Variants in DMXL2 observed in about 807,000 individuals in gnomAD.
DMXL2 encodes the protein Dmx like 2, also known as dmX-like protein 2.
In DMXL2, 103 loss-of-function variants were observed where a neutral mutation model predicts 331.1. The observed-to-expected ratio is 0.31, with a 90% CI of 0.27 to 0.37. The LOEUF is 0.37. Among genes scored for constraint, DMXL2 ranks in the 10% least tolerant of loss-of-function variants. The pLI, the probability that DMXL2 is intolerant of heterozygous loss-of-function variation, is 1.00. For missense variants in DMXL2, 3,171 were observed against 3,642.9 expected (o/e 0.87, Z 3.33); for synonymous variants, 1,281 against 1,252.1 (o/e 1.02, Z -0.49).
intron 4 of DMXL2, 141 bp from the exon 5 acceptor site, chr15:51,564,401 A>T: frequency 1.8e-6 from 1 of 556,870 alleles, no homozygotes; most frequent in Non-Finnish European, 2.8e-6. Context: ...CTTGGTATAT[A>T]TTTTTTTAAA....
At chr15:51,464,613 C>A in intron 32 of DMXL2, 62 bp downstream of exon 32, 1 of 1,459,444 alleles carries the variant, frequency 6.9e-7, no homozygotes, top group East Asian at 2.3e-5. Flanking sequence ...GCATATTTAG[C>A]CAAACTGTCT....
In DMXL2 at chr15:51,606,334, A is replaced by C. The variant is rs576195946; in HGVS notation, c.87+16125T>G. Among the ~76,000 whole-genome samples the C allele has an allele frequency of 2.6e-5, 4 of 152,122 alleles. No individual in the cohort carries two copies. The East Asian group carries it at 7.7e-4, about 29-fold the overall frequency. On this transcript the variant is annotated intron_variant, in intron 1 of 43. Transcript: ENST00000560891. Reference sequence around the variant, plus strand: ...GCAATTCTTCTGCCTCAGCCTCCCGAGTAGCTGGGACGACGCTATGCCCAG... The same window carrying C: ...GCAATTCTTCTGCCTCAGCCTCCCGCGTAGCTGGGACGACGCTATGCCCAG...
At chr15:51,594,797 G>A (rs1275636445) in intron 1 of DMXL2, among the ~76,000 whole-genome samples, 2 of 152,150 alleles carry the variant, frequency 1.3e-5, no homozygotes, top group Non-Finnish European at 2.9e-5. Flanking sequence ...CATATAAACA[G>A]AACCAAAGAC....
rs967926947 is a variant in DMXL2 at position 51,499,681 on chromosome 15, G to A, written c.3543C>T (p.His1181=). The change falls in exon 18 of 44, where the codon CAC becomes CAT. Residue 1181 remains histidine (H), a synonymous_variant. Transcript: ENST00000560891. ...LDWVSKEDGS[H]ILTVGVGANI... The stretch of plus-strand genomic sequence containing the variant: ...TCGCACCGACTCCCACTGTAAGAAT[G>A]TGGGAGCCATCTTCTTTTGATACCC... 3.7e-6 allele frequency: 6 copies of A among 1,614,040 alleles called. No homozygotes were observed. The highest frequency in any genetic ancestry group is 5.1e-6 in the Non-Finnish European group (6 of 1,180,006).
At chr15:51,602,476 A>G (rs910796640) in intron 1 of DMXL2, among the ~76,000 whole-genome samples, 1 of 152,178 alleles carries the variant, frequency 6.6e-6, no homozygotes, top group Admixed American at 6.5e-5. Context: ...GAATATAGAC[A>G]GGTACAGTCA....
intron 37 of DMXL2, 29 bp downstream of exon 37, chr15:51,457,299 G>A: frequency 6.2e-7 from 1 of 1,601,494 alleles, no homozygotes; most frequent in Admixed American, 1.7e-5. Flanking sequence ...TCCAAATCCA[G>A]AAATGATACC....
chr15:51,458,463 C>T, intron 36 of DMXL2, 43 bp downstream of exon 36: 2 of 1,596,772 alleles, frequency 1.3e-6, no homozygotes, highest in Non-Finnish European at 1.7e-6. Context: ...TTGGTGGGTA[C>T]TTCTTACAGA....
chr15:51,578,364 C>T (rs762277173), intron 1 of DMXL2, among the ~76,000 whole-genome samples: 27 of 152,146 alleles, frequency 1.8e-4, no homozygotes, highest in Non-Finnish European at 3.1e-4. Context: ...GCAACTAGTG[C>T]TACTTAAGAT....
intron 38 of DMXL2, 25 bp downstream of exon 38, chr15:51,456,283 AC>A: frequency 6.3e-7 from 1 of 1,596,392 alleles, no homozygotes; most frequent in South Asian, 1.1e-5. Context: ...GAGGACACTT[AC>A]AATTATTAGG....
intron 7 of DMXL2, 21 bp from the exon 8 acceptor site, chr15:51,545,787 A>G: frequency 6.3e-7 from 1 of 1,594,880 alleles, no homozygotes; most frequent in Non-Finnish European, 8.6e-7. Flanking sequence ...AGAGAAATAA[A>G]TAAAGGTTAA....
At chr15:51,486,520 C>G (rs141798368) in intron 22 of DMXL2, among the ~76,000 whole-genome samples, 183 bp from the exon 23 acceptor site, 1 of 152,058 alleles carries the variant, frequency 6.6e-6, no homozygotes, top group African/African-American at 2.4e-5. Flanking sequence ...CAGGTTGGAA[C>G]CCAGTAGCTT....
At chr15:51,596,221 C>G (rs1481126811) in intron 1 of DMXL2, among the ~76,000 whole-genome samples, 2 of 152,066 alleles carry the variant, frequency 1.3e-5, no homozygotes, top group Non-Finnish European at 1.5e-5. Flanking sequence ...AACAAATCTA[C>G]AAGAAAAAAA....
At chr15:51,459,439 G>T in intron 34 of DMXL2, 159 bp downstream of exon 34, 1 of 232,960 alleles carries the variant, frequency 4.3e-6, no homozygotes, top group Non-Finnish European at 7.1e-6. Flanking sequence ...GCCAGATACA[G>T]TGAAGCATCT....
intron 42 of DMXL2, 58 bp from the exon 43 acceptor site, chr15:51,450,404 G>A: frequency 6.6e-7 from 1 of 1,506,398 alleles, no homozygotes. Context: ...TGGTAATTAT[G>A]ATGTCTACAT....
rs180739648 is a variant in DMXL2, at chr15:51,530,031, C to T, written c.2436+5632G>A. Among the ~76,000 whole-genome samples, 38 of 151,958 alleles carry T rather than the reference C, an allele frequency of 2.5e-4. No individual in the cohort carries two copies. The East Asian group carries it at 6.6e-3, about 26-fold the overall frequency. Reference sequence around the variant, plus strand: ...AAAAATTTTTTAGCATCAATTAATGCTAAAAAAGCATGATAAAATTCAACA... The same window carrying T: ...AAAAATTTTTTAGCATCAATTAATGTTAAAAAAGCATGATAAAATTCAACA... On this transcript the variant is annotated intron_variant, in intron 13 of 43. Coordinates refer to ENST00000560891, the MANE Select transcript of DMXL2 (RefSeq NM_001378457.1).
rs773486811 is a variant in DMXL2 at position 51,502,989 on chromosome 15, G to C, written c.2809C>G (p.Pro937Ala). The C allele has an allele frequency of 6.2e-7, 1 of 1,613,822 alleles. No homozygotes were observed. Among genetic ancestry groups the C allele is most frequent in the South Asian group, 1.1e-5 (1 of 91,056 alleles). Residue 937 changes from proline (P) to alanine (A), a missense_variant, in exon 17 of 44, where the codon CCT (proline) becomes GCT (alanine). Transcript: ENST00000560891. ...GASSESLLSV[P>A]GQKNVDSSPE... The stretch of plus-strand genomic sequence containing the variant: ...GAAGAATCTACGTTCTTCTGTCCAG[G>C]GACTGAAAGTAGACTCTCAGAGGAA...
chr15:51,505,587 TA>T (rs1371403740), intron 16 of DMXL2, among the ~76,000 whole-genome samples: 7 of 152,242 alleles, frequency 4.6e-5, no homozygotes, highest in Admixed American at 4.6e-4. Flanking sequence ...TGCAAAGAAT[TA>T]ACTCCAAAGG....
intron 13 of DMXL2, among the ~76,000 whole-genome samples, chr15:51,524,372 C>G (rs145602716): frequency 3.3e-4 from 50 of 152,262 alleles, no homozygotes; most frequent in African/African-American, 1.1e-3. Context: ...AGAGGGCTCC[C>G]CCAATCGTCC....
chr15:51,449,118 T>A lies in DMXL2; in HGVS notation c.9043A>T (p.Ile3015Phe). ...EHAKQSIFRN[I>F]GAGVMQIDII... ...TCAATCTGCATGACTCCAGCCCCAA[T>A]GTTTCGAAATATGGACTGCTTAGCA... Residue 3015 changes from isoleucine to phenylalanine, a missense_variant, in exon 44 of 44, where the codon ATT (isoleucine) becomes TTT (phenylalanine). Transcript: ENST00000560891. The A allele has an allele frequency of 1.2e-6, 2 of 1,614,214 alleles. No homozygotes were observed. The highest frequency in any genetic ancestry group is 1.7e-6 in the Non-Finnish European group (2 of 1,180,032).
Sources: allele counts gnomAD v4.1 joint callset (sites outside exome capture counted in the v4.1 genomes callset), GRCh38; gene constraint gnomAD v4.1.1; transcripts MANE v1.5; gene names NCBI Gene and HGNC (gene_info 2026-07-23, HGNC 2026-07-21).